PPP2R1B: variants seen among roughly 807,000 people sequenced by gnomAD.
The protein encoded by PPP2R1B is protein phosphatase 2 scaffold subunit Abeta, also known as serine/threonine-protein phosphatase 2A 65 kDa regulatory subunit A beta isoform.
Under a neutral mutation model 72.7 loss-of-function variants are expected in PPP2R1B, and 58 were observed. The ratio of observed to expected loss-of-function variants is 0.80; its 90% confidence interval spans 0.65 to 0.99. The LOEUF (loss-of-function observed/expected upper bound fraction) is 0.99, where lower values mean the gene tolerates loss of function less well. Among genes scored for constraint, PPP2R1B ranks in the 50% least tolerant of loss-of-function variants. The probability of loss-of-function intolerance (pLI) is 0.00; values close to 1 mark genes in which losing one functional copy is unlikely to be tolerated. For missense variants in PPP2R1B, 695 were observed against 733.6 expected (o/e 0.95, Z 0.61); for synonymous variants, 256 against 264.6 (o/e 0.97, Z 0.32).
the PPP2R1B span, chr11:111,705,187 CAT>C: frequency 9.5e-6 from 14 of 1,471,878 alleles, no homozygotes; most frequent in South Asian, 4.5e-5. The surrounding 1 kb of genome is among the most constrained non-coding windows in gnomAD (Gnocchi z 4.3). Flanking sequence ...TGCCTGTTCA[CAT>C]GTTTGATACA....
At chr11:111,721,019 C>T in the PPP2R1B span, 10 of 1,614,034 alleles carry the variant, frequency 6.2e-6, no homozygotes, top group Admixed American at 3.3e-5. Context: ...AACCTGGCGC[C>T]GGCGGCTCCT....
chr11:111,703,475 T>C, the PPP2R1B span: 1 of 1,521,948 alleles, frequency 6.6e-7, no homozygotes, highest in Non-Finnish European at 9.1e-7. Context: ...ACTTGAAATT[T>C]CATGCTCACA....
At chr11:111,737,611 G>A (rs1390194021), downstream of PPP2R1B, 18 of 1,612,616 alleles carry the variant, frequency 1.1e-5, no homozygotes, top group Non-Finnish European at 1.5e-5. Flanking sequence ...CCCTGACCAG[G>A]GCACATCCCT....
downstream of PPP2R1B, chr11:111,726,166 C>T (rs1257922254): frequency 1.3e-5 from 2 of 152,154 alleles, no homozygotes; most frequent in Admixed American, 1.3e-4. Context: ...AAATATACTA[C>T]AGAAGTGCTA....
chr11:111,705,038 G>A, the PPP2R1B span: 1 of 1,609,060 alleles, frequency 6.2e-7, no homozygotes, highest in South Asian at 1.1e-5. The surrounding 1 kb of genome is among the most constrained non-coding windows in gnomAD (Gnocchi z 4.3). Context: ...TTTCTTGTTG[G>A]TGGAGCGCCT....
chr11:111,694,092 A>C, the PPP2R1B span, among the ~76,000 whole-genome samples: 1 of 152,216 alleles, frequency 6.6e-6, no homozygotes, highest in African/African-American at 2.4e-5. Flanking sequence ...ACTGTTTGTT[A>C]AATAAATTGT....
the PPP2R1B span, chr11:111,703,080 C>G: frequency 2.6e-6 from 2 of 765,576 alleles, no homozygotes; most frequent in Non-Finnish European, 4.2e-6. Context: ...ATTCATTTGA[C>G]CTTCTGCTTT....
chr11:111,705,710 G>A, the PPP2R1B span, among the ~76,000 whole-genome samples: 1 of 152,158 alleles, frequency 6.6e-6, no homozygotes, highest in Non-Finnish European at 1.5e-5. This position sits in a 1 kb window ranked among gnomAD's most constrained non-coding sequence, Gnocchi z 4.3. Flanking sequence ...GAATGCCAAG[G>A]TAAAGAGTTT....
In PPP2R1B at chr11:111,739,172, T is replaced by C. The variant is rs1944437097; in HGVS notation, c.*2424A>G. On this transcript the variant is annotated 3_prime_UTR_variant, in exon 15 of 15. Transcript: ENST00000527614. Reference sequence around the variant, plus strand: ...ACACATTGGAGGATATTTTAGAAATTCATCCATTGAACACATTTTTATTGA... The same window carrying C: ...ACACATTGGAGGATATTTTAGAAATCCATCCATTGAACACATTTTTATTGA... 1.0e-6 allele frequency: 1 copy of C among 985,140 alleles called. No individual in the cohort carries two copies. Among genetic ancestry groups the C allele is most frequent in the Non-Finnish European group, 1.2e-6 (1 of 829,848 alleles). The allele number at this position is 985,140 out of a possible 1,614,324, so 61.0% of individuals were successfully genotyped here. A position where few individuals can be genotyped will look rare whatever the true frequency, so the allele number is the denominator to read the frequency against.
chr11:111,720,829 G>T, the PPP2R1B span: 4 of 1,573,228 alleles, frequency 2.5e-6, no homozygotes, highest in African/African-American at 5.4e-5. Flanking sequence ...CCATGTTGGT[G>T]TGGTCACCTG....
intron 14 of PPP2R1B, 38 bp from the exon 15 acceptor site, chr11:111,741,650 A>G (rs750605974): frequency 1.2e-6 from 2 of 1,600,424 alleles, no homozygotes; most frequent in Non-Finnish European, 1.7e-6. Context: ...AGTGGTACAG[A>G]AAGTTCACGA....
At chr11:111,722,491 G>A (rs191218342), downstream of PPP2R1B, among the ~76,000 whole-genome samples, 1 of 152,346 alleles carries the variant, frequency 6.6e-6, no homozygotes, top group Admixed American at 6.5e-5. This position sits in a 1 kb window ranked among gnomAD's most constrained non-coding sequence, Gnocchi z 4.4. Flanking sequence ...AGATGGCCCA[G>A]GCCTGCGGGC....
chr11:111,718,533 G>C, the PPP2R1B span, among the ~76,000 whole-genome samples: 1 of 152,234 alleles, frequency 6.6e-6, no homozygotes, highest in Admixed American at 6.5e-5. Context: ...GAGGGCTATA[G>C]CCCAGAATGG....
At chr11:111,717,936 GAGCATCAGGAAGAAT>G in the PPP2R1B span, among the ~76,000 whole-genome samples, 1 of 152,110 alleles carries the variant, frequency 6.6e-6, no homozygotes, top group African/African-American at 2.4e-5. Flanking sequence ...ATGGGAGGGA[GAGCATCAGGAAGAAT>G]AGCTGATGCA....
At chr11:111,718,248 A>T in the PPP2R1B span, among the ~76,000 whole-genome samples, 1 of 152,304 alleles carries the variant, frequency 6.6e-6, no homozygotes, top group Non-Finnish European at 1.5e-5. Flanking sequence ...AGAAAATTGT[A>T]TTAGTAGAGA....
the PPP2R1B span, among the ~76,000 whole-genome samples, chr11:111,715,793 C>CTTTTTTTTTTTT: frequency 4.9e-5 from 4 of 81,594 alleles, no homozygotes; most frequent in African/African-American, 9.8e-5. Flanking sequence ...TCATTTTTAG[C>CTTTTTTTTTTTT]TTTTTTTTTT....
intron 5 of PPP2R1B, among the ~76,000 whole-genome samples, chr11:111,756,560 C>T (rs1055561433): frequency 6.6e-6 from 1 of 151,930 alleles, no homozygotes. Context: ...AGATCAGGGT[C>T]GCAGTAACAG....
rs1465970867 is a variant in PPP2R1B at position 111,739,838 on chromosome 11, T to C, written c.*1758A>G. On this transcript the variant is annotated 3_prime_UTR_variant, in exon 15 of 15. Transcript: ENST00000527614. ...ATTAAAATGAGAATATAGAAAAAGA[T>C]TTGTGCTTAGGAAAATACTTAATTC... 8 of 974,062 alleles carry C rather than the reference T, an allele frequency of 8.2e-6. No homozygotes were observed. Among genetic ancestry groups the C allele is most frequent in the Non-Finnish European group, 9.8e-6 (8 of 819,768 alleles). The allele number at this position is 974,062 out of a possible 1,614,324, so 60.3% of individuals were successfully genotyped here.
intron 3 of PPP2R1B, among the ~76,000 whole-genome samples, chr11:111,763,439 G>C (rs1433450011): frequency 6.6e-6 from 1 of 152,238 alleles, no homozygotes; most frequent in African/African-American, 2.4e-5. Context: ...AGCAGAGAGT[G>C]AGCCATCTGC....
Sources: gnomAD v4.1 joint callset for allele counts (sites outside exome capture counted in the v4.1 genomes callset) on GRCh38, gnomAD v4.1.1 for gene constraint, Gnocchi (gnomAD v3.1) non-coding constraint, MANE v1.5 for transcripts, NCBI Gene and HGNC (gene_info 2026-07-23, HGNC 2026-07-21) for gene names.